Variants in PDCD6IP observed in about 807,000 individuals in gnomAD.
PDCD6IP encodes the protein programmed cell death 6-interacting protein.
In PDCD6IP, 43 loss-of-function variants were observed where a neutral mutation model predicts 103.7. The observed-to-expected ratio is 0.41, with a 90% CI of 0.32 to 0.53. PDCD6IP has a LOEUF of 0.53. PDCD6IP is among the 20% of genes least tolerant of loss of function. The pLI, the probability that PDCD6IP is intolerant of heterozygous loss-of-function variation, is 0.16. For synonymous variants in PDCD6IP, 354 were observed against 378.7 expected, an observed-to-expected ratio of 0.93 and a Z score of 0.76; for missense variants, 871 against 1,036.7, an observed-to-expected ratio of 0.84 and a Z score of 2.20.
At chr3:33,818,173 T>G (rs571339618) in intron 3 of PDCD6IP, among the ~76,000 whole-genome samples, 1 of 143,430 alleles carries the variant, frequency 7.0e-6, no homozygotes, top group African/African-American at 2.6e-5. Flanking sequence ...AGTGGCATGA[T>G]CTCGGCTTAC....
rs764368758 is a variant in PDCD6IP at position 33,828,976 on chromosome 3, C to G, written c.834+7C>G. 6.3e-7 allele frequency: 1 copy of G among 1,577,390 alleles called. No individual in the cohort carries two copies. Among genetic ancestry groups the G allele is most frequent in the South Asian group, 1.2e-5 (1 of 84,780 alleles). ...AGAAATTGCAAGGTTACAGGTGAGTCTCTTGGTAATAAATATTTAAGTAAC... is the reference window on the plus strand; with the variant it reads ...AGAAATTGCAAGGTTACAGGTGAGTGTCTTGGTAATAAATATTTAAGTAAC... On this transcript the variant is annotated splice_region_variant and intron_variant, in intron 7 of 17. Transcript: ENST00000307296.
In PDCD6IP at chr3:33,869,277, G is replaced by A. The variant is rs999548947; in HGVS notation, c.*2752G>A. 1 of 152,090 alleles carries A rather than the reference G, an allele frequency of 6.6e-6. No individual in the cohort carries two copies. Among genetic ancestry groups the A allele is most frequent in the Non-Finnish European group, 1.5e-5 (1 of 68,012 alleles). 9.4% of individuals were successfully genotyped at this position (152,090 alleles called of 1,614,324 possible). ...TTTGTGTTTTGTTTTTTAATTTTCA[G>A]CATCTCTTGAAGAATCTTGCTACAG... On this transcript the variant is annotated 3_prime_UTR_variant, in exon 18 of 18. Coordinates refer to ENST00000307296, the MANE Select transcript of PDCD6IP (RefSeq NM_013374.6).
intron 5 of PDCD6IP, among the ~76,000 whole-genome samples, chr3:33,826,237 A>G (rs1043174770): frequency 6.6e-6 from 1 of 152,132 alleles, no homozygotes; most frequent in African/African-American, 2.4e-5. Context: ...CTTATTTTAG[A>G]ACATTACCAT....
chr3:33,831,708 A>T (rs1455911227), intron 7 of PDCD6IP, among the ~76,000 whole-genome samples: 2 of 151,462 alleles, frequency 1.3e-5, no homozygotes, highest in African/African-American at 4.9e-5. Context: ...GTTAATTTCC[A>T]TTAATTTCTT....
Position 33,812,096 on chromosome 3 carries a change from T to G in PDCD6IP, c.234T>G (p.Ile78Met). 1 of 1,600,268 alleles carries G rather than the reference T, an allele frequency of 6.2e-7. No homozygotes were observed. The highest frequency in any genetic ancestry group is 8.5e-7 in the Non-Finnish European group (1 of 1,173,582). The change falls in exon 2 of 18, where the codon ATT becomes ATG. Residue 78 changes from isoleucine to methionine, a missense_variant. Physicochemically the swap from Ile to Met is conservative, Grantham distance 10. Coordinates refer to ENST00000307296, the MANE Select transcript of PDCD6IP (RefSeq NM_013374.6). The part of the protein sequence containing the change: ...LLRYYDQICS[I>M]EPKFPFSENQ... Reference sequence around the variant, plus strand: ...GATATTATGATCAGATTTGTTCTATTGAACCCAAATTCCCATTTTCTGAAA... The same window carrying G: ...GATATTATGATCAGATTTGTTCTATGGAACCCAAATTCCCATTTTCTGAAA...
intron 11 of PDCD6IP, among the ~76,000 whole-genome samples, 160 bp from the exon 12 acceptor site, chr3:33,845,259 A>T (rs1374062457): frequency 6.6e-6 from 1 of 152,194 alleles, no homozygotes; most frequent in Non-Finnish European, 1.5e-5. Context: ...AAAAACGAGA[A>T]CGCAAAGACT....
rs770790069 is a variant in PDCD6IP at position 33,812,054 on chromosome 3, T to C, written c.210-18T>C. 1 of 1,582,858 alleles carries C rather than the reference T, an allele frequency of 6.3e-7. No homozygotes were observed. Among genetic ancestry groups the C allele is most frequent in the South Asian group, 1.2e-5 (1 of 84,920 alleles). On this transcript the variant is annotated intron_variant, in intron 1 of 17. Coordinates refer to ENST00000307296, the MANE Select transcript of PDCD6IP (RefSeq NM_013374.6). Reference sequence around the variant, plus strand: ...AATATTTAGCTCTGGTAATTATTAATTCTGCTCTATTTTTTAGATATTATG... The same window carrying C: ...AATATTTAGCTCTGGTAATTATTAACTCTGCTCTATTTTTTAGATATTATG...
Position 33,868,549 on chromosome 3 carries a change from AC to A in PDCD6IP, c.*2027del, listed in dbSNP as rs1698116821. 1 of 152,506 alleles carries A rather than the reference AC, an allele frequency of 6.6e-6. No individual in the cohort carries two copies. Among genetic ancestry groups the A allele is most frequent in the South Asian group, 2.1e-4 (1 of 4,818 alleles). The allele number at this position is 152,506 out of a possible 1,614,324, so 9.4% of individuals were successfully genotyped here. The stretch of plus-strand genomic sequence containing the variant: ...TAACCTTTTAAATGTAGCAACACAA[AC>A]CCTTTCCCTCTTGTCAGTTCACTCA... On this transcript the variant is annotated 3_prime_UTR_variant, in exon 18 of 18. Transcript: ENST00000307296.
chr3:33,836,080 T>G lies in PDCD6IP; in HGVS notation c.871T>G (p.Tyr291Asp). The change falls in exon 8 of 18, where the codon TAT (tyrosine) becomes GAT (aspartate). Residue 291 changes from tyrosine to aspartate, a missense_variant. By Grantham distance (160) the Tyr-to-Asp change is radical. Transcript: ENST00000307296. ...AELIKTVASR[Y>D]DEYVNVKDFS... ...ACTGATTAAAACAGTGGCATCTCGC[T>G]ATGATGAATATGTTAATGTGAAGGA... 1 of 1,611,582 alleles carries G rather than the reference T, an allele frequency of 6.2e-7. No individual in the cohort carries two copies. Among genetic ancestry groups the G allele is most frequent in the Admixed American group, 1.7e-5 (1 of 60,014 alleles).
At chr3:33,824,168 C>G (rs1010659046) in intron 4 of PDCD6IP, among the ~76,000 whole-genome samples, 1 of 152,154 alleles carries the variant, frequency 6.6e-6, no homozygotes, top group Non-Finnish European at 1.5e-5. Flanking sequence ...TGTTATAATA[C>G]TTACTGACTG....
At chr3:33,819,647 G>C (rs976171790) in intron 3 of PDCD6IP, among the ~76,000 whole-genome samples, 5 of 152,160 alleles carry the variant, frequency 3.3e-5, no homozygotes, top group African/African-American at 1.2e-4. Context: ...TTACTTTATG[G>C]TACAACTCTG....
intron 1 of PDCD6IP, among the ~76,000 whole-genome samples, chr3:33,801,514 A>G (rs1696475756): frequency 1.3e-5 from 2 of 152,312 alleles, no homozygotes; most frequent in African/African-American, 2.4e-5. Flanking sequence ...TTAAAAACTC[A>G]TTTGTTCTGG....
intron 12 of PDCD6IP, among the ~76,000 whole-genome samples, chr3:33,849,526 C>CA (rs78283433): frequency 0.29 from 44,785 of 151,998 alleles, 6,843 homozygotes; most frequent in East Asian, 0.41. Flanking sequence ...GTACCCAAAA[C>CA]AAAAGTATTT....
chr3:33,826,030 TG>T (rs1454501387), intron 5 of PDCD6IP, among the ~76,000 whole-genome samples: 1 of 152,076 alleles, frequency 6.6e-6, no homozygotes, highest in African/African-American at 2.4e-5. Flanking sequence ...AGATTGAAAA[TG>T]GGCTGAATAT....
At chr3:33,848,209 A>C (rs1388996188) in intron 12 of PDCD6IP, among the ~76,000 whole-genome samples, 1 of 152,192 alleles carries the variant, frequency 6.6e-6, no homozygotes, top group Non-Finnish European at 1.5e-5. Context: ...AAGGCCTACT[A>C]TTCCAGAACT....
At chr3:33,862,063 A>T (rs1215032644) in intron 15 of PDCD6IP, among the ~76,000 whole-genome samples, 3 of 152,106 alleles carry the variant, frequency 2.0e-5, no homozygotes, top group African/African-American at 7.2e-5. Flanking sequence ...TTGCTCTATA[A>T]ATGTGTTATT....
chr3:33,835,892 T>G (rs1448489866), intron 7 of PDCD6IP, 152 bp from the exon 8 acceptor site: 1 of 591,878 alleles, frequency 1.7e-6, no homozygotes, highest in African/African-American at 1.9e-5. Context: ...TCGGAGAATT[T>G]CCAGGTAACC....
chr3:33,848,705 T>C (rs1697650574), intron 12 of PDCD6IP, among the ~76,000 whole-genome samples: 1 of 152,284 alleles, frequency 6.6e-6, no homozygotes, highest in African/African-American at 2.4e-5. Flanking sequence ...GCCCGGCCCA[T>C]TGAGGGCATT....
At chr3:33,835,203 T>C (rs1697320418) in intron 7 of PDCD6IP, 1 of 456,222 alleles carries the variant, frequency 2.2e-6, no homozygotes, top group South Asian at 1.6e-5. Context: ...AAAATTCTTA[T>C]TGATGTTGAC....
Sources: allele counts gnomAD v4.1 joint callset (sites outside exome capture counted in the v4.1 genomes callset), GRCh38; gene constraint gnomAD v4.1.1; transcripts MANE v1.5; gene names NCBI Gene and HGNC (gene_info 2026-07-23, HGNC 2026-07-21).